SMG5: variants seen among roughly 807,000 people sequenced by gnomAD.
SMG5 encodes the protein SMG5 nonsense mediated mRNA decay factor.
Under a neutral mutation model 122.9 loss-of-function variants are expected in SMG5, and 53 were observed. The ratio of observed to expected loss-of-function variants is 0.43; its 90% CI spans 0.35 to 0.54. The LOEUF is 0.54. Among genes scored for constraint, SMG5 ranks in the 20% least tolerant of loss-of-function variants. SMG5 has a pLI of 0.01. For missense variants in SMG5, 1,153 were observed against 1,285.6 expected (o/e 0.90, Z 1.58); for synonymous variants, 477 against 490.2 (o/e 0.97, Z 0.35).
At position 156,251,259 on chromosome 1, in the gene SMG5, C is replaced by T. The variant is rs994507359; in HGVS notation, c.2828+144G>A. 2.2e-5 allele frequency: 23 copies of T among 1,045,034 alleles called. No homozygotes were observed. The Admixed American group carries it at 2.6e-4, about 12-fold the overall frequency. The allele number at this position is 1,045,034 out of a possible 1,614,324, so 64.7% of individuals were successfully genotyped here. On this transcript the variant is annotated intron_variant, in intron 20 of 21. Coordinates refer to ENST00000361813, the MANE Select transcript of SMG5 (RefSeq NM_015327.3). ...GGTGCTGCGGCAACTTCGTACTCCT[C>T]GCAAGGTGAGGCCTGCAGGAGGGCC...
rs770949554 is a variant in SMG5, at chr1:156,267,657, G to T, written c.930C>A (p.Thr310=). 15 of 1,611,120 alleles carry T rather than the reference G, an allele frequency of 9.3e-6. 1 individual carries two copies. The East Asian group carries it at 1.6e-4, about 17-fold the overall frequency. Reference sequence around the variant, plus strand: ...CCTCCAGGACTGACTGGCAAAGTGAGGTCAGCTCTGAGTCCACGGAGCTAC... The same window carrying T: ...CCTCCAGGACTGACTGGCAAAGTGATGTCAGCTCTGAGTCCACGGAGCTAC... ...PKSSSVDSEL[T]SLCQSVLEDF... The change falls in exon 10 of 22, where the codon ACC becomes ACA. Residue 310 remains threonine, a synonymous_variant. Coordinates refer to ENST00000361813, the MANE Select transcript of SMG5 (RefSeq NM_015327.3).
upstream of SMG5, chr1:156,286,288 A>G (rs1260506995): frequency 6.2e-7 from 1 of 1,614,048 alleles, no homozygotes; most frequent in Non-Finnish European, 8.5e-7. Flanking sequence ...TGAGCCTGTT[A>G]TGCTTTTCTG....
chr1:156,281,445 G>A (rs1310310076), intron 1 of SMG5, among the ~76,000 whole-genome samples: 1 of 152,188 alleles, frequency 6.6e-6, no homozygotes, highest in Non-Finnish European at 1.5e-5. Context: ...CTCCTCACCC[G>A]CCTGGGGACT....
rs35457785 is a variant in SMG5 at position 156,265,036 on chromosome 1, TAC to T, written c.1855+743_1855+744del. On this transcript the variant is annotated intron_variant, in intron 12 of 21. Coordinates refer to ENST00000361813, the MANE Select transcript of SMG5 (RefSeq NM_015327.3). ...GTGAGACTCTGTCTCAAAAAAAAAA[TAC>T]ACACACACACACACACACACACACA... is the stretch of plus-strand genomic sequence containing the variant. Among the ~76,000 whole-genome samples the T allele has an allele frequency of 3.8e-3, 465 of 122,750 alleles. 4 individuals carry two copies. Among genetic ancestry groups the T allele is most frequent in the Middle Eastern group, 0.028 (7 of 250 alleles). 80.5% of individuals were successfully genotyped at this position (122,750 alleles called of 152,430 possible). A position where few individuals can be genotyped will look rare whatever the true frequency, so the allele number is the denominator to read the frequency against.
At chr1:156,286,286 T>C (rs1429048331), upstream of SMG5, 1 of 1,614,128 alleles carries the variant, frequency 6.2e-7, no homozygotes, top group Admixed American at 1.7e-5. Flanking sequence ...GCTGAGCCTG[T>C]TATGCTTTTC....
At chr1:156,252,340 G>A (rs1183737145) in intron 19 of SMG5, 74 bp downstream of exon 19, 6 of 1,417,644 alleles carry the variant, frequency 4.2e-6, no homozygotes, top group Non-Finnish European at 6.0e-6. Flanking sequence ...TAGGGAGCAA[G>A]GGGCTTTCAT....
At chr1:156,282,305 C>G (rs1662987101) in intron 1 of SMG5, among the ~76,000 whole-genome samples, 1 of 152,124 alleles carries the variant, frequency 6.6e-6, no homozygotes, top group Non-Finnish European at 1.5e-5. Context: ...CCTACCCAAC[C>G]CTTCCAGCCT....
Position 156,267,704 on chromosome 1 carries a change from G to A in SMG5, c.909-26C>T, listed in dbSNP as rs1161510364. 4.4e-6 allele frequency: 7 copies of A among 1,582,402 alleles called. No homozygotes were observed. In the African/African-American group the frequency reaches 8.1e-5, roughly 18 times the overall value. ...CTACAGAGGGGCAGGAGTAACAGGGGAGGTCAGTGGTGGGGGCTGGGGAAG... is the reference window on the plus strand; with the variant it reads ...CTACAGAGGGGCAGGAGTAACAGGGAAGGTCAGTGGTGGGGGCTGGGGAAG... On this transcript the variant is annotated intron_variant, in intron 9 of 21. Transcript: ENST00000361813.
intron 14 of SMG5, 58 bp downstream of exon 14, chr1:156,261,275 G>T: frequency 6.5e-7 from 1 of 1,535,738 alleles, no homozygotes; most frequent in Non-Finnish European, 9.0e-7. Flanking sequence ...GGGGAGATGG[G>T]CTTAGTGGGG....
At position 156,282,593 on chromosome 1, in the gene SMG5, C is replaced by T; in HGVS notation, c.74+14G>A. ...TTCCCTCGGTGGCTGCTCTCACGCC[C>T]TGGCCCCTCTCACCGGTAAAGCCGC... On this transcript the variant is annotated intron_variant, in intron 1 of 21. Transcript: ENST00000361813. 2 of 1,604,958 alleles carry T rather than the reference C, an allele frequency of 1.2e-6. No individual in the cohort carries two copies.
At position 156,252,920 on chromosome 1, in the gene SMG5, TG is replaced by T; in HGVS notation, c.2660del (p.Thr887LysfsTer2). On this transcript the variant is annotated frameshift_variant and splice_region_variant, in exon 18 of 22. Transcript: ENST00000361813. LOFTEE classifies it high-confidence loss of function. ...TCCTTACCTCTCCAATGTACTTACCTGTCCTTGGGATGATGACAATGAAGCG... is the reference window on the plus strand; with the variant it reads ...TCCTTACCTCTCCAATGTACTTACCTTCCTTGGGATGATGACAATGAAGCG... Reference protein sequence around the residue: ...SGRFIVIIPRTVIDGLDLLKK... With the variant: ...SGRFIVIIPRXVIDGLDLLKK... 1 of 1,600,312 alleles carries T rather than the reference TG, an allele frequency of 6.2e-7. No individual in the cohort carries two copies. The highest frequency in any genetic ancestry group is 8.5e-7 in the Non-Finnish European group (1 of 1,172,886).
intron 12 of SMG5, among the ~76,000 whole-genome samples, chr1:156,265,036 T>TACACACACACACACACACAC (rs35457785): frequency 1.1e-4 from 14 of 122,822 alleles, no homozygotes; most frequent in African/African-American, 4.5e-4. Context: ...AAAAAAAAAA[T>TACACACACACACACACACAC]ACACACACAC....
At chr1:156,283,320 C>T (rs1663054368), upstream of SMG5, among the ~76,000 whole-genome samples, 1 of 152,208 alleles carries the variant, frequency 6.6e-6, no homozygotes, top group Admixed American at 6.5e-5. Flanking sequence ...GGCCCTTCAG[C>T]TCCCCTCCCA....
intron 7 of SMG5, among the ~76,000 whole-genome samples, chr1:156,271,215 T>C (rs1020779189): frequency 6.6e-6 from 1 of 152,208 alleles, no homozygotes; most frequent in African/African-American, 2.4e-5. Flanking sequence ...CATGGAATTA[T>C]GACGTACAAT....
At chr1:156,291,494 T>A in the SMG5 span, 3 of 1,613,120 alleles carry the variant, frequency 1.9e-6, no homozygotes, top group Non-Finnish European at 2.5e-6. Flanking sequence ...CTACTACATG[T>A]TCGTGGTGGA....
At chr1:156,278,353 C>T (rs1662779506) in intron 2 of SMG5, among the ~76,000 whole-genome samples, 1 of 151,942 alleles carries the variant, frequency 6.6e-6, no homozygotes, top group Admixed American at 6.6e-5. Context: ...ATGGCCGACT[C>T]CCTTGACTCA....
intron 16 of SMG5, among the ~76,000 whole-genome samples, chr1:156,256,156 A>G (rs1453535943): frequency 6.6e-6 from 1 of 151,898 alleles, no homozygotes; most frequent in East Asian, 1.9e-4. Context: ...AATAACATCT[A>G]TAGTTGCAAG....
At chr1:156,264,570 T>C (rs1348649743) in intron 12 of SMG5, among the ~76,000 whole-genome samples, 1 of 152,050 alleles carries the variant, frequency 6.6e-6, no homozygotes, top group African/African-American at 2.4e-5. Context: ...GCTGCAGAGG[T>C]GCAGGAGGCC....
rs747074652 is a variant in SMG5, at chr1:156,263,395, C to A, written c.2031G>T (p.Gln677His). 1 of 1,612,608 alleles carries A rather than the reference C, an allele frequency of 6.2e-7. No individual in the cohort carries two copies. The part of the protein sequence containing the change: ...TNPDLIIVCA[Q>H]SSQSLWNRLS... ...GGGGCAATGGAGTGGACTGACACAC[C>A]TGCGCACACACGATGATGAGGTCGG... The change falls in exon 13 of 22, where the codon CAG becomes CAT. Residue 677 changes from glutamine (Q) to histidine (H), a missense_variant and splice_region_variant. By Grantham distance (24) the Gln-to-His change is conservative. Transcript: ENST00000361813.
Sources: allele counts gnomAD v4.1 joint callset (sites outside exome capture counted in the v4.1 genomes callset), GRCh38; gene constraint gnomAD v4.1.1; transcripts MANE v1.5; gene names NCBI Gene and HGNC (gene_info 2026-07-23, HGNC 2026-07-21).